The following PHKA1 variants were observed in gnomAD, a reference collection of about 807,000 sequenced individuals.
PHKA1 encodes the protein phosphorylase b kinase regulatory subunit alpha, skeletal muscle isoform.
In PHKA1, 60 loss-of-function variants were observed where a neutral mutation model predicts 110.2. The ratio of observed to expected loss-of-function variants is 0.54; its 90% CI spans 0.44 to 0.68. PHKA1 has a LOEUF of 0.68. Ranked by LOEUF, PHKA1 falls within the 30% of genes least tolerant of loss-of-function variation. PHKA1 has a pLI of 0.00. For missense variants in PHKA1, 801 were observed against 942.5 expected, an observed-to-expected ratio of 0.85 and a Z score of 1.97; for synonymous variants, 316 against 333.6, an observed-to-expected ratio of 0.95 and a Z score of 0.58.
chrX:72,584,111 G>C (rs1200732613), intron 30 of PHKA1, 138 bp downstream of exon 30: 3 of 539,409 alleles, frequency 5.6e-6, no homozygotes, highest in Non-Finnish European at 9.5e-6. Context: ...TAAAAAAATT[G>C]TCTTTTCTTC....
At chrX:72,591,309 A>G (rs781869616) in intron 29 of PHKA1, among the ~76,000 whole-genome samples, 1 of 111,578 alleles carries the variant, frequency 9.0e-6, no homozygotes, top group Non-Finnish European at 1.9e-5. Flanking sequence ...AACTATCACA[A>G]GGACAGAAAA....
rs782500311 is a variant in PHKA1 at position 72,686,676 on chromosome X, A to G, written c.455-2096T>C. On this transcript the variant is annotated intron_variant, in intron 4 of 31. Coordinates refer to ENST00000373542, the MANE Select transcript of PHKA1 (RefSeq NM_002637.4). ...AAAGATGTATGCATATTATTTTCCA[A>G]TGTTTTATTATGAACACTTTCAAAC... Among the ~76,000 whole-genome samples, 7 of 112,167 alleles carry G rather than the reference A, an allele frequency of 6.2e-5. No homozygotes were observed. In the East Asian group the frequency reaches 8.4e-4, roughly 13 times the overall value.
At chrX:72,636,445 C>T (rs1434102441) in intron 14 of PHKA1, 59 bp from the exon 15 acceptor site, 18 of 634,433 alleles carry the variant, frequency 2.8e-5, no homozygotes, top group Non-Finnish European at 4.3e-5. Flanking sequence ...AATCAGCAAA[C>T]ATTTTTACAT....
At chrX:72,588,628 T>G (rs782108802) in intron 29 of PHKA1, among the ~76,000 whole-genome samples, 1 of 111,381 alleles carries the variant, frequency 9.0e-6, no homozygotes, top group Non-Finnish European at 1.9e-5. Flanking sequence ...AAAAGATCAA[T>G]GAATCCAGGA....
At chrX:72,674,154 G>C (rs567715495) in intron 6 of PHKA1, among the ~76,000 whole-genome samples, 1 of 110,318 alleles carries the variant, frequency 9.1e-6, no homozygotes, top group Non-Finnish European at 1.9e-5. Context: ...TTTTATGGCT[G>C]CATAGTATTC....
chrX:72,613,736 A>AAC (rs2052848302), intron 21 of PHKA1, among the ~76,000 whole-genome samples: 1 of 111,725 alleles, frequency 9.0e-6, no homozygotes, highest in Non-Finnish European at 1.9e-5. Flanking sequence ...AATCTACCTT[A>AAC]ACCAAATGAT....
At chrX:72,651,467 C>T (rs782359826) in intron 12 of PHKA1, among the ~76,000 whole-genome samples, 13 of 110,661 alleles carry the variant, frequency 1.2e-4, no homozygotes, top group African/African-American at 3.6e-4. Flanking sequence ...ACCCGGGAGG[C>T]GGAGGTTGTG....
chrX:72,619,135 TA>T, intron 20 of PHKA1, 78 bp downstream of exon 20: 1 of 631,722 alleles, frequency 1.6e-6, no homozygotes, highest in Non-Finnish European at 2.6e-6. Context: ...ACAAGAACCA[TA>T]ATGACTAGTC....
chrX:72,614,161 T>C (rs781956689), intron 21 of PHKA1, among the ~76,000 whole-genome samples: 2 of 111,996 alleles, frequency 1.8e-5, no homozygotes, highest in African/African-American at 3.2e-5. Flanking sequence ...GAGTTCATAA[T>C]TTTTCAGAAA....
chrX:72,673,084 AT>A (rs369859370), intron 6 of PHKA1, among the ~76,000 whole-genome samples: 1,506 of 105,077 alleles, frequency 0.014, 28 homozygotes, highest in African/African-American at 0.045. Context: ...GATCAAAAGG[AT>A]TTTTTTTTTT....
chrX:72,593,461 C>T, intron 28 of PHKA1, 187 bp from the exon 29 acceptor site: 1 of 401,604 alleles, frequency 2.5e-6, no homozygotes, highest in South Asian at 3.5e-5. Flanking sequence ...CCTGCCTCAG[C>T]CTCCCGAGTA....
At chrX:72,625,751 C>T (rs1258002157) in intron 17 of PHKA1, among the ~76,000 whole-genome samples, 3 of 111,484 alleles carry the variant, frequency 2.7e-5, no homozygotes, top group East Asian at 2.8e-4. Flanking sequence ...CTGCAACTTC[C>T]GCCTCCCAGG....
chrX:72,609,533 C>T, intron 23 of PHKA1, 91 bp downstream of exon 23: 7 of 618,358 alleles, frequency 1.1e-5, no homozygotes, highest in South Asian at 6.6e-5. Context: ...ATATGTAGGA[C>T]ATTATCATCC....
chrX:72,584,383 G>T, intron 29 of PHKA1, 81 bp from the exon 30 acceptor site: 1 of 894,657 alleles, frequency 1.1e-6, no homozygotes, highest in Non-Finnish European at 1.6e-6. Flanking sequence ...ATGAGGAGAC[G>T]CTGTATTTCT....
chrX:72,671,618 C>T (rs1356364845), intron 6 of PHKA1, among the ~76,000 whole-genome samples: 1 of 111,311 alleles, frequency 9.0e-6, no homozygotes, highest in South Asian at 3.8e-4. Flanking sequence ...AAAAAGAGCC[C>T]GCGTCGCCAA....
At chrX:72,676,037 C>G (rs1556311651) in intron 6 of PHKA1, 33 bp downstream of exon 6, 1 of 1,064,516 alleles carries the variant, frequency 9.4e-7, no homozygotes, top group Non-Finnish European at 1.3e-6. Context: ...CTTCCTCATC[C>G]CATACTTAGT....
rs782400389 is a variant in PHKA1, at chrX:72,644,437, C to T, written c.1384G>A (p.Val462Met). 4.1e-6 allele frequency: 5 copies of T among 1,206,981 alleles called. No individual in the cohort carries two copies. The highest frequency in any genetic ancestry group is 3.5e-5 in the South Asian group (2 of 56,544). ...GGGTATACCTCAGCAATGGTCTCCA[C>T]GTAAATTCCCTTGTCCTTCAAAATG... Reference protein sequence around the residue: ...KTILKDKGIYVETIAEVYPIR... With the variant: ...KTILKDKGIYMETIAEVYPIR... Residue 462 changes from valine (V) to methionine (M), a missense_variant, in exon 14 of 32, where the codon GTG becomes ATG. Coordinates refer to ENST00000373542, the MANE Select transcript of PHKA1 (RefSeq NM_002637.4).
rs782444775 is a variant in PHKA1 at position 72,616,021 on chromosome X, C to T, written c.2369+2689G>A. 5.4e-5 allele frequency among the ~76,000 whole-genome samples: 6 copies of T among 111,809 alleles called. No homozygotes were observed. The East Asian group carries it at 1.7e-3, about 31-fold the overall frequency. ...AGTGAGCGGATGGAAAAAAGATATTCCATGCAAATGGAAAGCAAAAGACAA... is the reference window on the plus strand; with the variant it reads ...AGTGAGCGGATGGAAAAAAGATATTTCATGCAAATGGAAAGCAAAAGACAA... On this transcript the variant is annotated intron_variant, in intron 21 of 31. Transcript: ENST00000373542.
chrX:72,711,805 G>C (rs1222418284), intron 2 of PHKA1, among the ~76,000 whole-genome samples: 2 of 110,173 alleles, frequency 1.8e-5, no homozygotes, highest in Non-Finnish European at 3.8e-5. Flanking sequence ...GCAAAAACTT[G>C]AATAATTTTT....
Sources: gnomAD v4.1 joint callset for allele counts (sites outside exome capture counted in the v4.1 genomes callset) on GRCh38, gnomAD v4.1.1 for gene constraint, MANE v1.5 for transcripts, NCBI Gene and HGNC (gene_info 2026-07-23, HGNC 2026-07-21) for gene names.